Variants in NLRP5 observed in about 807,000 individuals in gnomAD.
NLRP5 encodes the protein NLR family pyrin domain containing 5.
NLRP5 carries 93 observed loss-of-function variants against 113.1 expected under a neutral mutation model. The ratio of observed to expected loss-of-function variants is 0.82; its 90% CI spans 0.70 to 0.98. NLRP5 has a LOEUF of 0.98. NLRP5 is among the 50% of genes least tolerant of loss of function. The pLI is 0.00. For missense variants in NLRP5, 1,808 were observed against 1,514.3 expected (o/e 1.19, Z -3.22); for synonymous variants, 751 against 600.7 (o/e 1.25, Z -3.66).
At chr19:56,030,714 C>CTGTTTTTTTTTTTT in intron 7 of NLRP5, among the ~76,000 whole-genome samples, 1 of 71,350 alleles carries the variant, frequency 1.4e-5, no homozygotes, top group African/African-American at 7.2e-5. Flanking sequence ...CTTTCTTCTT[C>CTGTTTTTTTTTTTT]TTTTTTTTTT....
At chr19:56,029,800 T>C (rs1983021751) in intron 7 of NLRP5, among the ~76,000 whole-genome samples, 1 of 151,564 alleles carries the variant, frequency 6.6e-6, no homozygotes, top group African/African-American at 2.4e-5. Context: ...ATCATGCTTG[T>C]AATCCCAGCA....
intron 1 of NLRP5, among the ~76,000 whole-genome samples, chr19:56,000,489 C>T (rs1372862744): frequency 3.3e-5 from 5 of 151,908 alleles, no homozygotes; most frequent in Non-Finnish European, 5.9e-5. Flanking sequence ...CTCAGCCTCC[C>T]TAGTAGCTGG....
chr19:55,998,728 A>ATG (rs1555762463), upstream of NLRP5, among the ~76,000 whole-genome samples: 120 of 130,114 alleles, frequency 9.2e-4, no homozygotes, highest in African/African-American at 3.0e-3. Context: ...ATATATATAT[A>ATG]TGTGTATATA....
At chr19:56,031,308 T>C (rs888731317) in intron 7 of NLRP5, among the ~76,000 whole-genome samples, 1 of 152,126 alleles carries the variant, frequency 6.6e-6, no homozygotes, top group Non-Finnish European at 1.5e-5. Flanking sequence ...TCCACTCTAC[T>C]TTCTGCTATT....
intron 2 of NLRP5, 107 bp downstream of exon 2, chr19:56,004,202 G>A: frequency 8.3e-7 from 1 of 1,200,772 alleles, no homozygotes; most frequent in South Asian, 1.5e-5. Context: ...CCTCTGCAGT[G>A]TGAGTCTGAG....
At position 56,027,588 on chromosome 19, in the gene NLRP5, C is replaced by T. The variant is rs1366199855; in HGVS notation, c.1355C>T (p.Thr452Ile). Residue 452 changes from threonine to isoleucine, a missense_variant, in exon 7 of 15, where the codon ACA (threonine) becomes ATA (isoleucine). Coordinates refer to ENST00000390649, the MANE Select transcript of NLRP5 (RefSeq NM_153447.4). ...CGCGGGATTGGTGAGCATCAGAAGA[C>T]ACAAGGGTTGCGTGCGATCATGAAC... 14 of 1,613,826 alleles carry T rather than the reference C, an allele frequency of 8.7e-6. No individual in the cohort carries two copies. The highest frequency in any genetic ancestry group is 1.1e-5 in the Non-Finnish European group (13 of 1,179,910).
chr19:56,037,041 A>G (rs1983343682), intron 9 of NLRP5, among the ~76,000 whole-genome samples: 2 of 152,172 alleles, frequency 1.3e-5, no homozygotes, highest in Non-Finnish European at 2.9e-5. Flanking sequence ...CTATTCTAAT[A>G]TTCTAATCCT....
chr19:55,995,508 G>A (rs1226207347), upstream of NLRP5, among the ~76,000 whole-genome samples: 2 of 152,122 alleles, frequency 1.3e-5, no homozygotes, highest in Non-Finnish European at 2.9e-5. Context: ...GGTTACTATA[G>A]CTTTGTGAAG....
the NLRP5 span, among the ~76,000 whole-genome samples, chr19:55,991,032 G>T: frequency 2.6e-5 from 4 of 152,116 alleles, no homozygotes; most frequent in African/African-American, 9.7e-5. Context: ...TCATGGATTG[G>T]AAGAGCTGTT....
At chr19:56,002,680 T>C (rs959166042) in intron 1 of NLRP5, among the ~76,000 whole-genome samples, 7 of 148,866 alleles carry the variant, frequency 4.7e-5, no homozygotes, top group Non-Finnish European at 7.4e-5. Flanking sequence ...GTGTACTCAT[T>C]GTTCAATTCC....
chr19:55,998,392 G>A (rs538022858), upstream of NLRP5, among the ~76,000 whole-genome samples: 9 of 151,878 alleles, frequency 5.9e-5, no homozygotes, highest in East Asian at 1.9e-4. Context: ...GGTGGCTCAC[G>A]CCTGTAATCC....
At chr19:56,017,201 C>G (rs896713913) in intron 4 of NLRP5, among the ~76,000 whole-genome samples, 1 of 152,118 alleles carries the variant, frequency 6.6e-6, no homozygotes. Flanking sequence ...CTTGGTCAGT[C>G]TGGCTAAAGG....
Position 56,032,917 on chromosome 19 carries a change from A to G in NLRP5, c.2447+136A>G. The G allele has an allele frequency of 3.6e-6, 3 of 830,486 alleles. No homozygotes were observed. The South Asian group carries it at 5.7e-5, about 16-fold the overall frequency. 51.4% of individuals were successfully genotyped at this position (830,486 alleles called of 1,614,324 possible). On this transcript the variant is annotated intron_variant, in intron 8 of 14. Coordinates refer to ENST00000390649, the MANE Select transcript of NLRP5 (RefSeq NM_153447.4). ...AAGTGCCACCAAAGGTGTAGGAACC[A>G]AGTTCCCAAAAGCACAGAGTGGGGA...
chr19:56,024,632 C>G (rs1231191261), intron 6 of NLRP5, among the ~76,000 whole-genome samples: 1 of 151,170 alleles, frequency 6.6e-6, no homozygotes, highest in Non-Finnish European at 1.5e-5. Context: ...GTGGCAGGCA[C>G]CTGTAATCCC....
Position 56,061,608 on chromosome 19 carries a change from TGGG to T in NLRP5, c.*81_*83del, listed in dbSNP as rs2123350703. On this transcript the variant is annotated 3_prime_UTR_variant, in exon 15 of 15. Coordinates refer to ENST00000390649, the MANE Select transcript of NLRP5 (RefSeq NM_153447.4). ...GTTTTCTCAGAGCAAGCTATGCACC[TGGG>T]AGTTCCTTCTCAAAGATGGAGAATG... The T allele has an allele frequency of 2.1e-6, 3 of 1,442,724 alleles. No homozygotes were observed. Among genetic ancestry groups the T allele is most frequent in the South Asian group, 2.4e-5 (2 of 82,806 alleles). The allele number at this position is 1,442,724 out of a possible 1,614,324, so 89.4% of individuals were successfully genotyped here. A position where few individuals can be genotyped will look rare whatever the true frequency, so the allele number is the denominator to read the frequency against.
intron 9 of NLRP5, among the ~76,000 whole-genome samples, chr19:56,037,307 C>G (rs1200394916): frequency 1.3e-5 from 2 of 152,052 alleles, no homozygotes; most frequent in Non-Finnish European, 2.9e-5. Flanking sequence ...CCGAGGGGAC[C>G]ATAGAGAACA....
rs1403892619 is a variant in NLRP5, at chr19:56,007,151, T to A, written c.443-1637T>A. 2.6e-5 allele frequency among the ~76,000 whole-genome samples: 4 copies of A among 151,352 alleles called. 1 individual carries two copies. Among genetic ancestry groups the A allele is most frequent in the African/African-American group, 4.9e-5 (2 of 40,726 alleles). ...TCCTAGGCGGGCGGATCACTTGAGGTCAGGAGTTCAAGACTAGCCTGTCTA... is the reference window on the plus strand; with the variant it reads ...TCCTAGGCGGGCGGATCACTTGAGGACAGGAGTTCAAGACTAGCCTGTCTA... On this transcript the variant is annotated intron_variant, in intron 2 of 14. Transcript: ENST00000390649.
chr19:56,047,238 A>T (rs1983761344), intron 11 of NLRP5, among the ~76,000 whole-genome samples: 3 of 152,024 alleles, frequency 2.0e-5, no homozygotes. Context: ...AGTTTCACTT[A>T]ATTCTGCTCT....
chr19:56,055,537 CTTTTT>C (rs1160965587), intron 13 of NLRP5, among the ~76,000 whole-genome samples: 16 of 76,458 alleles, frequency 2.1e-4, no homozygotes, highest in Non-Finnish European at 2.6e-4. Flanking sequence ...CTTTCTCTGT[CTTTTT>C]TTTTTTTTTT....
Sources: allele counts gnomAD v4.1 joint callset (sites outside exome capture counted in the v4.1 genomes callset), GRCh38; gene constraint gnomAD v4.1.1; transcripts MANE v1.5; gene names NCBI Gene and HGNC (gene_info 2026-07-23, HGNC 2026-07-21).